Variants in GPR179 observed in about 807,000 individuals in gnomAD.
GPR179 encodes the protein G protein-coupled receptor 179.
A neutral mutation model predicts 70.8 loss-of-function variants in GPR179; 52 were observed. The ratio of observed to expected loss-of-function variants is 0.73; its 90% confidence interval spans 0.59 to 0.93. The LOEUF is 0.93. Ranked by LOEUF, GPR179 falls within the 40% of genes least tolerant of loss-of-function variation. The probability of loss-of-function intolerance (pLI) is 0.00; values close to 1 mark genes in which losing one functional copy is unlikely to be tolerated. For missense variants in GPR179, 2,734 were observed against 2,966.8 expected (o/e 0.92, Z 1.82); for synonymous variants, 1,123 against 1,169.0 (o/e 0.96, Z 0.80).
At chr17:38,331,987 G>A (rs983811445) in intron 10 of GPR179, among the ~76,000 whole-genome samples, 3 of 152,168 alleles carry the variant, frequency 2.0e-5, no homozygotes, top group Admixed American at 6.5e-5. Context: ...ATGATGGAAC[G>A]GGGCTTTAGA....
At chr17:38,335,365 C>G in intron 6 of GPR179, 94 bp from the exon 7 acceptor site, 1 of 942,692 alleles carries the variant, frequency 1.1e-6, no homozygotes, top group South Asian at 1.6e-5. Flanking sequence ...TTGCTGCCCT[C>G]TCCTCCACAC....
rs1016783056 is a variant in GPR179 at position 38,335,516 on chromosome 17, A to G, written c.1406+75T>C. 7 of 1,138,786 alleles carry G rather than the reference A, an allele frequency of 6.1e-6. No individual in the cohort carries two copies. The African/African-American group carries it at 1.1e-4, about 17-fold the overall frequency. 70.5% of individuals were successfully genotyped at this position (1,138,786 alleles called of 1,614,324 possible). A position where few individuals can be genotyped will look rare whatever the true frequency, so the allele number is the denominator to read the frequency against. On this transcript the variant is annotated intron_variant, in intron 6 of 10. Transcript: ENST00000616987. ...GGGGCTGGCAAGGGTCTGGCTTTGA[A>G]AAACACCATTCCATGAGTGAGCTGG... is the stretch of plus-strand genomic sequence containing the variant.
Position 38,329,271 on chromosome 17 carries a change from G to T in GPR179, c.4298C>A (p.Thr1433Lys). The T allele has an allele frequency of 6.2e-7, 1 of 1,613,526 alleles. No homozygotes were observed. The highest frequency in any genetic ancestry group is 8.5e-7 in the Non-Finnish European group (1 of 1,179,754). The part of the protein sequence containing the change: ...DLESLCPWES[T>K]DFRGPSAVSI... ...GACTGCTGAGGGGCCCCGGAAATCT[G>T]TACTCTCCCATGGACAAAGAGACTC... Residue 1433 changes from threonine (T) to lysine (K), a missense_variant, in exon 11 of 11, where the codon ACA becomes AAA. Coordinates refer to ENST00000616987, the MANE Select transcript of GPR179 (RefSeq NM_001004334.4).
chr17:38,327,568 C>T lies in GPR179; in HGVS notation c.6001G>A (p.Asp2001Asn). 6.2e-7 allele frequency: 1 copy of T among 1,614,168 alleles called. No homozygotes were observed. Among genetic ancestry groups the T allele is most frequent in the Non-Finnish European group, 8.5e-7 (1 of 1,180,030 alleles). Reference sequence around the variant, plus strand: ...TTATACACACCTGCATCAGGAACATCCCATGGGCACACGTCAGCGGCCCTG... The same window carrying T: ...TTATACACACCTGCATCAGGAACATTCCATGGGCACACGTCAGCGGCCCTG... ...GGRAADVCPWDVPDAGVYKSD... is the reference protein window; with the variant it reads ...GGRAADVCPWNVPDAGVYKSD... The change falls in exon 11 of 11, where the codon GAT becomes AAT. Residue 2001 changes from aspartate (D) to asparagine (N), a missense_variant. By Grantham distance (23) the Asp-to-Asn change is conservative. Coordinates refer to ENST00000616987, the MANE Select transcript of GPR179 (RefSeq NM_001004334.4).
rs1682447537 is a variant in GPR179 at position 38,326,905 on chromosome 17, A to C, written c.6664T>G (p.Cys2222Gly). 1.2e-6 allele frequency: 2 copies of C among 1,614,074 alleles called. No homozygotes were observed. The highest frequency in any genetic ancestry group is 2.2e-5 in the South Asian group (2 of 91,070). Reference protein sequence around the residue: ...GSMGSRMAELCQWEITDPEGN... With the variant: ...GSMGSRMAELGQWEITDPEGN... ...TCTGGATCTGTGATTTCCCATTGGC[A>C]CAGCTCTGCCATCCTGCTTCCCATG... The change falls in exon 11 of 11, where the codon TGC becomes GGC. Residue 2222 changes from cysteine to glycine, a missense_variant. Cys to Gly is a radical substitution (Grantham distance 159). Transcript: ENST00000616987.
At chr17:38,331,626 TA>T in intron 10 of GPR179, 95 bp from the exon 11 acceptor site, 3 of 1,501,956 alleles carry the variant, frequency 2.0e-6, no homozygotes, top group Non-Finnish European at 2.7e-6. Flanking sequence ...CTTTTTCCCT[TA>T]GGGATCTCTT....
chr17:38,336,856 A>G (rs998407672), intron 4 of GPR179, 122 bp downstream of exon 4: 1 of 1,013,888 alleles, frequency 9.9e-7, no homozygotes, highest in Non-Finnish European at 1.4e-6. Context: ...CATGCTACAC[A>G]GTGAGTTAGA....
At chr17:38,339,944 C>T (rs535025426) in intron 1 of GPR179, among the ~76,000 whole-genome samples, 1 of 152,232 alleles carries the variant, frequency 6.6e-6, no homozygotes, top group Non-Finnish European at 1.5e-5. Context: ...CCAGAGGGAT[C>T]CTGCCCTGTA....
rs1437095158 is a variant in GPR179, at chr17:38,328,857, T to G, written c.4712A>C (p.Gln1571Pro). The change falls in exon 11 of 11, where the codon CAG (glutamine) becomes CCG (proline). Residue 1571 changes from glutamine (Q) to proline (P), a missense_variant. Gln to Pro is a moderately conservative substitution (Grantham distance 76). Transcript: ENST00000616987. ...CCTGAGATCTTCCTGTGGACACACC[T>G]GCGTTGCTCTGCTTCCTCCATTGCA... ...FLCNGGSRAT[Q>P]VCPQEDLRPE... The G allele has an allele frequency of 6.2e-7, 1 of 1,613,646 alleles. No individual in the cohort carries two copies. Among genetic ancestry groups the G allele is most frequent in the Non-Finnish European group, 8.5e-7 (1 of 1,179,902 alleles).
rs540513728 is a variant in GPR179 at position 38,326,985 on chromosome 17, G to A, written c.6584C>T (p.Pro2195Leu). The A allele has an allele frequency of 6.2e-7, 1 of 1,614,094 alleles. No homozygotes were observed. The highest frequency in any genetic ancestry group is 8.5e-7 in the Non-Finnish European group (1 of 1,180,038). Residue 2195 changes from proline to leucine, a missense_variant, in exon 11 of 11, where the codon CCC becomes CTC. Coordinates refer to ENST00000616987, the MANE Select transcript of GPR179 (RefSeq NM_001004334.4). Reference protein sequence around the residue: ...GEGTGSGGLLPQSGALDPELK... With the variant: ...GEGTGSGGLLLQSGALDPELK... The stretch of plus-strand genomic sequence containing the variant: ...TTCTGGGTCCAGGGCACCTGACTGG[G>A]GCAAGAGCCCTCCTGAGCCTGTGCC...
intron 5 of GPR179, 64 bp downstream of exon 5, chr17:38,336,012 G>C: frequency 8.8e-7 from 1 of 1,140,624 alleles, no homozygotes. Flanking sequence ...GGGGCTTGGA[G>C]GGTGCCAGGT....
Position 38,327,476 on chromosome 17 carries a change from C to A in GPR179, c.6093G>T (p.Gly2031=), listed in dbSNP as rs2037298949. Residue 2031 remains glycine (G), a synonymous_variant, in exon 11 of 11, where the codon GGG becomes GGT. Coordinates refer to ENST00000616987, the MANE Select transcript of GPR179 (RefSeq NM_001004334.4). ...WEVTERIPVK[G]VSRQDGKGDS... ...CCCCTTTTCCATCCTGCCTTGACAC[C>A]CCTTTGACAGGGATTCTTTCAGTCA... The A allele has an allele frequency of 1.2e-6, 2 of 1,614,104 alleles. No homozygotes were observed. The highest frequency in any genetic ancestry group is 1.7e-6 in the Non-Finnish European group (2 of 1,180,050).
rs201856624 is a variant in GPR179, at chr17:38,330,061, G to A, written c.3508C>T (p.Arg1170Trp). ...TCTTCTTGTTCCCTGCTGCCCTCCC[G>A]TTGACAGACTTGGAGCATCCTGCTG... is the stretch of plus-strand genomic sequence containing the variant. ...HTSRMLQVCQ[R>W]EGSREQEDRG... is the part of the protein sequence containing the mutation. Residue 1170 changes from arginine (R) to tryptophan (W), a missense_variant, in exon 11 of 11, where the codon CGG (arginine) becomes TGG (tryptophan). By Grantham distance (101) the Arg-to-Trp change is moderately radical. Coordinates refer to ENST00000616987, the MANE Select transcript of GPR179 (RefSeq NM_001004334.4). The A allele has an allele frequency of 8.9e-5, 144 of 1,614,094 alleles. No individual in the cohort carries two copies. The Middle Eastern group carries it at 1.2e-3, about 13-fold the overall frequency.
chr17:38,336,575 A>G (rs1318297874), intron 4 of GPR179, among the ~76,000 whole-genome samples: 3 of 152,164 alleles, frequency 2.0e-5, no homozygotes, highest in African/African-American at 4.8e-5. Context: ...AGTCTTTCCC[A>G]TGCCATCTCA....
chr17:38,327,172 A>G lies in GPR179; in HGVS notation c.6397T>C (p.Trp2133Arg), dbSNP rs775983557. 8 of 1,614,140 alleles carry G rather than the reference A, an allele frequency of 5.0e-6. No homozygotes were observed. Among genetic ancestry groups the G allele is most frequent in the Non-Finnish European group, 5.9e-6 (7 of 1,180,018 alleles). ...TCTGCTGCTCCTCCACCCGCCTCCC[A>G]AGGGCAGATCTCTGCTTTCTTGGCA... ...PSAKKAEICP[W>R]EAGGGAAEEG... The change falls in exon 11 of 11, where the codon TGG (tryptophan) becomes CGG (arginine). Residue 2133 changes from tryptophan to arginine, a missense_variant. Transcript: ENST00000616987.
chr17:38,329,216 A>G lies in GPR179; in HGVS notation c.4353T>C (p.Cys1451=). 1.9e-6 allele frequency: 3 copies of G among 1,613,916 alleles called. No homozygotes were observed. In the Middle Eastern group the frequency reaches 5.0e-4, roughly 266 times the overall value. Residue 1451 remains cysteine (C), a synonymous_variant, in exon 11 of 11, where the codon TGT becomes TGC. Transcript: ENST00000616987. ...VSIQAPGSSE[C]SGSLGSGIAE... is the part of the protein sequence containing the mutation. ...CAATGCCACTGCCCAAACTCCCTGAACACTCTGAGCTTCCTGGGGCCTGAA... is the reference window on the plus strand; with the variant it reads ...CAATGCCACTGCCCAAACTCCCTGAGCACTCTGAGCTTCCTGGGGCCTGAA...
chr17:38,341,207 G>T (rs1392513515), intron 1 of GPR179, among the ~76,000 whole-genome samples: 1 of 152,102 alleles, frequency 6.6e-6, no homozygotes, highest in Non-Finnish European at 1.5e-5. Context: ...TTTCTACTAG[G>T]TTGTTCTCTC....
At chr17:38,331,788 T>A (rs1453815664) in intron 10 of GPR179, among the ~76,000 whole-genome samples, 1 of 152,094 alleles carries the variant, frequency 6.6e-6, no homozygotes, top group Non-Finnish European at 1.5e-5. Context: ...TGTGGTCTAG[T>A]GGGAAGTTAG....
In GPR179 at chr17:38,333,312, T is replaced by A. The variant is rs562081527; in HGVS notation, c.1976A>T (p.Tyr659Phe). ...GGCTGAGGCGATGCTGCTGCCAAGGTAGGAGCCTGAGTGCTGCAGGTCCAG... is the reference window on the plus strand; with the variant it reads ...GGCTGAGGCGATGCTGCTGCCAAGGAAGGAGCCTGAGTGCTGCAGGTCCAG... ...DELDLQHSGS[Y>F]LGSSIASAWS... The change falls in exon 10 of 11, where the codon TAC becomes TTC. Residue 659 changes from tyrosine (Y) to phenylalanine (F), a missense_variant. By Grantham distance (22) the Tyr-to-Phe change is conservative. Transcript: ENST00000616987. The A allele has an allele frequency of 2.5e-6, 4 of 1,614,008 alleles. No individual in the cohort carries two copies. The African/African-American group carries it at 5.3e-5, about 22-fold the overall frequency.
Sources: gnomAD v4.1 joint callset for allele counts (sites outside exome capture counted in the v4.1 genomes callset) on GRCh38, gnomAD v4.1.1 for gene constraint, MANE v1.5 for transcripts, NCBI Gene and HGNC (gene_info 2026-07-23, HGNC 2026-07-21) for gene names.